The following BMAL1 variants were observed in gnomAD, a reference collection of about 807,000 sequenced individuals.
BMAL1 encodes basic helix-loop-helix ARNT like 1.
At chr11:13,354,311 G>T in the BMAL1 span, 6 of 1,577,578 alleles carry the variant, frequency 3.8e-6, no homozygotes, top group Non-Finnish European at 5.2e-6. Flanking sequence ...ATCATCCAAT[G>T]GCAGACCAGA....
chr11:13,314,268 C>CACACACACACACACACAT, the BMAL1 span, among the ~76,000 whole-genome samples: 1 of 151,834 alleles, frequency 6.6e-6, no homozygotes, highest in Non-Finnish European at 1.5e-5. Flanking sequence ...CACACACACA[C>CACACACACACACACACAT]ACACTCTGTC....
chr11:13,372,586 G>A, the BMAL1 span, among the ~76,000 whole-genome samples: 4 of 152,162 alleles, frequency 2.6e-5, no homozygotes, highest in Admixed American at 6.5e-5. Flanking sequence ...AAGGTGGGTG[G>A]ATCACTTGAG....
chr11:13,376,172 G>T, the BMAL1 span, among the ~76,000 whole-genome samples: 1 of 152,212 alleles, frequency 6.6e-6, no homozygotes, highest in Non-Finnish European at 1.5e-5. Flanking sequence ...TCAGGCAGGG[G>T]GCCCAAGCAC....
the BMAL1 span, among the ~76,000 whole-genome samples, chr11:13,326,707 T>C: frequency 1.6e-5 from 2 of 122,178 alleles, no homozygotes; most frequent in East Asian, 2.3e-4. Flanking sequence ...AGAGATAATA[T>C]AGAAGATTAT....
At chr11:13,346,261 G>C in the BMAL1 span, among the ~76,000 whole-genome samples, 1 of 152,344 alleles carries the variant, frequency 6.6e-6, no homozygotes, top group South Asian at 2.1e-4. Context: ...CCTGCCACCA[G>C]GCTGTGCAGA....
chr11:13,354,301 A>G, the BMAL1 span: 12 of 1,594,182 alleles, frequency 7.5e-6, no homozygotes, highest in East Asian at 2.5e-4. Context: ...ACAATTCCAG[A>G]TCATCCAATG....
the BMAL1 span, among the ~76,000 whole-genome samples, chr11:13,302,401 G>A: frequency 6.6e-6 from 1 of 152,314 alleles, no homozygotes; most frequent in African/African-American, 2.4e-5. Context: ...GTAGAAAGAG[G>A]TGAGTGTGAC....
chr11:13,281,921 T>G, the BMAL1 span, among the ~76,000 whole-genome samples: 1 of 152,234 alleles, frequency 6.6e-6, no homozygotes, highest in East Asian at 1.9e-4. Context: ...TAAAGATAAA[T>G]GTCTGTCCTA....
At chr11:13,367,800 G>A in the BMAL1 span, among the ~76,000 whole-genome samples, 1 of 151,622 alleles carries the variant, frequency 6.6e-6, no homozygotes. Context: ...CCTTGAGCAA[G>A]TTACTTAACC....
chr11:13,367,296 C>T, the BMAL1 span, among the ~76,000 whole-genome samples: 1 of 152,200 alleles, frequency 6.6e-6, no homozygotes, highest in Non-Finnish European at 1.5e-5. Context: ...CACATCGCTC[C>T]CTCTGCCCCC....
the BMAL1 span, among the ~76,000 whole-genome samples, chr11:13,346,139 G>C: frequency 6.6e-6 from 1 of 152,208 alleles, no homozygotes; most frequent in Non-Finnish European, 1.5e-5. Context: ...TCTATCCCAG[G>C]AAATTGACAG....
At chr11:13,280,328 C>G in the BMAL1 span, among the ~76,000 whole-genome samples, 61,966 of 152,186 alleles carry the variant, frequency 0.41, 15,233 homozygotes, top group Non-Finnish European at 0.56. Flanking sequence ...CAGATTTATC[C>G]CTTCACACCA....
At chr11:13,372,093 C>T in the BMAL1 span, 1 of 1,583,508 alleles carries the variant, frequency 6.3e-7, no homozygotes. Context: ...CATCCCATCC[C>T]ACCATCGGCC....
At chr11:13,278,897 G>A in the BMAL1 span, among the ~76,000 whole-genome samples, 2 of 152,214 alleles carry the variant, frequency 1.3e-5, no homozygotes, top group African/African-American at 4.8e-5. Flanking sequence ...GGAAGGTAGA[G>A]GTGAACGTCG....
the BMAL1 span, among the ~76,000 whole-genome samples, chr11:13,358,188 C>G: frequency 3.3e-5 from 5 of 152,168 alleles, no homozygotes; most frequent in African/African-American, 1.2e-4. Flanking sequence ...TCTGAAGAGA[C>G]AATTTTTGTA....
the BMAL1 span, among the ~76,000 whole-genome samples, chr11:13,284,414 T>C: frequency 6.6e-5 from 10 of 151,364 alleles, no homozygotes; most frequent in African/African-American, 1.7e-4. Flanking sequence ...TTTTTTTTTT[T>C]CAAAGAATAA....
chr11:13,320,749 C>T, the BMAL1 span, among the ~76,000 whole-genome samples: 1 of 152,124 alleles, frequency 6.6e-6, no homozygotes, highest in Non-Finnish European at 1.5e-5. Context: ...AGGAAGGCTA[C>T]CATGTAAACC....
the BMAL1 span, among the ~76,000 whole-genome samples, chr11:13,373,036 C>CT: frequency 6.6e-6 from 1 of 152,148 alleles, no homozygotes; most frequent in African/African-American, 2.4e-5. Context: ...GAATCTAGGA[C>CT]TTGGAAGCAA....
chr11:13,297,048 C>T, the BMAL1 span, among the ~76,000 whole-genome samples: 3 of 152,200 alleles, frequency 2.0e-5, no homozygotes, highest in Non-Finnish European at 2.9e-5. Flanking sequence ...TGCAGCCCTC[C>T]TCTTACATAG....
Sources: gnomAD v4.1 joint callset for allele counts (sites outside exome capture counted in the v4.1 genomes callset) on GRCh38, gnomAD v4.1.1 for gene constraint, MANE v1.5 for transcripts, NCBI Gene and HGNC (gene_info 2026-07-23, HGNC 2026-07-21) for gene names.